The following CACNG4 variants were observed in gnomAD, a reference collection of about 807,000 sequenced individuals.
CACNG4 encodes the protein voltage-dependent calcium channel gamma-4 subunit.
In CACNG4, 8 loss-of-function variants were observed where a neutral mutation model predicts 22.9. That is an observed-to-expected ratio of 0.35 (90% CI 0.21 to 0.63). The LOEUF (loss-of-function observed/expected upper bound fraction) is 0.63, where lower values mean the gene tolerates loss of function less well. Ranked by LOEUF, CACNG4 falls within the 30% of genes least tolerant of loss-of-function variation. The pLI is 0.72. For synonymous variants in CACNG4, 188 were observed against 191.9 expected (o/e 0.98, Z 0.17); for missense variants, 357 against 455.4 (o/e 0.78, Z 1.97).
At chr17:66,992,809 A>T (rs2035349255) in intron 1 of CACNG4, among the ~76,000 whole-genome samples, 1 of 152,166 alleles carries the variant, frequency 6.6e-6, no homozygotes. Context: ...GTCATTTCGC[A>T]CTTGTGATTG....
At chr17:67,024,615 A>G (rs740556) in intron 2 of CACNG4, among the ~76,000 whole-genome samples, 46,039 of 152,126 alleles carry the variant, frequency 0.3, 8,475 homozygotes, top group South Asian at 0.53. Context: ...GAGAGACTAA[A>G]CAAGAGGTAG....
intron 1 of CACNG4, among the ~76,000 whole-genome samples, chr17:66,995,267 T>G (rs1206118511): frequency 6.6e-6 from 1 of 152,140 alleles, no homozygotes; most frequent in African/African-American, 2.4e-5. Context: ...GCTGGAGAAC[T>G]GAAGGATGTG....
At chr17:66,982,248 C>A (rs1451250991) in intron 1 of CACNG4, among the ~76,000 whole-genome samples, 3 of 152,156 alleles carry the variant, frequency 2.0e-5, no homozygotes, top group Non-Finnish European at 4.4e-5. Flanking sequence ...CCGCCCATGT[C>A]CTGCTGATTG....
intron 1 of CACNG4, among the ~76,000 whole-genome samples, chr17:66,979,800 A>G (rs907002243): frequency 1.7e-5 from 2 of 120,084 alleles, no homozygotes; most frequent in Non-Finnish European, 3.2e-5. Context: ...CCCAGGCTGG[A>G]GTGCAGTGGC....
chr17:67,023,550 C>T (rs1192633736), intron 2 of CACNG4, among the ~76,000 whole-genome samples: 2 of 148,988 alleles, frequency 1.3e-5, no homozygotes, highest in Non-Finnish European at 3.0e-5. Flanking sequence ...GCTGGGATTA[C>T]AGGCGTGAGC....
At chr17:66,974,838 T>A (rs1305173854) in intron 1 of CACNG4, among the ~76,000 whole-genome samples, 1 of 152,130 alleles carries the variant, frequency 6.6e-6, no homozygotes, top group African/African-American at 2.4e-5. Context: ...TGGGCTTGAG[T>A]CAAACCCTTT....
intron 1 of CACNG4, among the ~76,000 whole-genome samples, chr17:67,013,796 C>G (rs1203587263): frequency 6.6e-5 from 9 of 135,794 alleles, no homozygotes. Context: ...CAGAGTGAGA[C>G]TTGTCTCAAA....
At chr17:66,966,386 G>A (rs1230234706) in intron 1 of CACNG4, among the ~76,000 whole-genome samples, 2 of 152,062 alleles carry the variant, frequency 1.3e-5, no homozygotes. Flanking sequence ...ACCTTTCCCC[G>A]CGTGTTAACT....
intron 1 of CACNG4, among the ~76,000 whole-genome samples, chr17:67,015,613 A>G (rs186832043): frequency 5.5e-4 from 84 of 152,274 alleles, no homozygotes; most frequent in African/African-American, 1.8e-3. Context: ...TTTTTTTAAG[A>G]TGGGCAGAAC....
chr17:66,991,553 G>C (rs3785593), intron 1 of CACNG4, among the ~76,000 whole-genome samples: 12,243 of 152,162 alleles, frequency 0.08, 718 homozygotes, highest in East Asian at 0.22. Context: ...CTGTTCTCCT[G>C]TTGGGTATTC....
intron 1 of CACNG4, among the ~76,000 whole-genome samples, chr17:66,973,048 C>A (rs893422328): frequency 2.0e-5 from 3 of 152,124 alleles, no homozygotes; most frequent in Non-Finnish European, 4.4e-5. Flanking sequence ...GAGTTCGAGA[C>A]CACCCTGACC....
chr17:67,022,549 C>A (rs1203510085), intron 2 of CACNG4, among the ~76,000 whole-genome samples: 1 of 152,180 alleles, frequency 6.6e-6, no homozygotes, highest in African/African-American at 2.4e-5. Context: ...CATTTAATGC[C>A]CCCAGACAAT....
chr17:67,024,083 C>T (rs1216629700), intron 2 of CACNG4, among the ~76,000 whole-genome samples: 6 of 152,276 alleles, frequency 3.9e-5, no homozygotes, highest in African/African-American at 1.4e-4. Flanking sequence ...GCCCTGGTGT[C>T]AGGGCTACAA....
At chr17:67,004,569 C>T (rs2035426612) in intron 1 of CACNG4, among the ~76,000 whole-genome samples, 1 of 152,122 alleles carries the variant, frequency 6.6e-6, no homozygotes, top group Non-Finnish European at 1.5e-5. Context: ...GAAAGTGTTG[C>T]AGACCTGCGC....
At chr17:66,990,259 G>A (rs1380223865) in intron 1 of CACNG4, among the ~76,000 whole-genome samples, 14 of 152,210 alleles carry the variant, frequency 9.2e-5, no homozygotes, top group Admixed American at 5.9e-4. Context: ...GGACTTCTCA[G>A]CTCCTGGGAA....
chr17:66,981,288 C>A (rs1391631043), intron 1 of CACNG4, among the ~76,000 whole-genome samples: 1 of 152,226 alleles, frequency 6.6e-6, no homozygotes, highest in Non-Finnish European at 1.5e-5. Context: ...ACAAAATTAT[C>A]CCTCAGTTCT....
In CACNG4 at chr17:66,965,161, C is replaced by A. The variant is rs1035496542; in HGVS notation, c.220+30C>A. 1.1e-5 allele frequency: 9 copies of A among 782,902 alleles called. No homozygotes were observed. In the African/African-American group the frequency reaches 2.2e-4, roughly 20 times the overall value. 48.5% of individuals were successfully genotyped at this position (782,902 alleles called of 1,614,324 possible). Reference sequence around the variant, plus strand: ...GGCCAGCCCCGACCCCTCGCCGCCCCACACACACACACACACACACACACA... The same window carrying A: ...GGCCAGCCCCGACCCCTCGCCGCCCAACACACACACACACACACACACACA... On this transcript the variant is annotated intron_variant, in intron 1 of 3. Coordinates refer to ENST00000262138, the MANE Select transcript of CACNG4 (RefSeq NM_014405.4).
At chr17:66,965,194 ACG>A (rs1158411001) in intron 1 of CACNG4, 63 bp downstream of exon 1, 18,447 of 885,462 alleles carry the variant, frequency 0.021, 193 homozygotes, top group Middle Eastern at 0.046. Flanking sequence ...ACATATACAC[ACG>A]CGCGCGCGCG....
intron 1 of CACNG4, among the ~76,000 whole-genome samples, chr17:66,992,292 C>T (rs1256978093): frequency 2.6e-5 from 4 of 152,132 alleles, no homozygotes; most frequent in Non-Finnish European, 4.4e-5. Context: ...CGGGTGGGGA[C>T]CCCATGTTGG....
Sources: gnomAD v4.1 joint callset for allele counts (sites outside exome capture counted in the v4.1 genomes callset) on GRCh38, gnomAD v4.1.1 for gene constraint, MANE v1.5 for transcripts, NCBI Gene and HGNC (gene_info 2026-07-23, HGNC 2026-07-21) for gene names.